Variants in PKIG observed in about 807,000 individuals in gnomAD.
PKIG encodes the protein protein kinase (cAMP-dependent, catalytic) inhibitor gamma.
In PKIG, 1 loss-of-function variant was observed where a neutral mutation model predicts 6.8. The ratio of observed to expected loss-of-function variants is 0.15; its 90% confidence interval spans 0.05 to 0.69. The LOEUF is 0.69. PKIG is among the 30% of genes least tolerant of loss of function. PKIG has a pLI of 0.82. For synonymous variants in PKIG, 39 were observed against 43.0 expected, an observed-to-expected ratio of 0.91 and a Z score of 0.36; for missense variants, 77 against 104.0, an observed-to-expected ratio of 0.74 and a Z score of 1.13.
At chr20:44,572,417 C>A (rs1477883774) in intron 1 of PKIG, among the ~76,000 whole-genome samples, 1 of 152,024 alleles carries the variant, frequency 6.6e-6, no homozygotes, top group African/African-American at 2.4e-5. Context: ...CTGATTCAAG[C>A]CTTAAAGAAA....
intron 1 of PKIG, among the ~76,000 whole-genome samples, chr20:44,571,224 AAATAATAATAAT>A (rs140802204): frequency 6.7e-6 from 1 of 150,196 alleles, no homozygotes; most frequent in East Asian, 2.0e-4. Flanking sequence ...AGAGAGACTC[AAATAATAATAAT>A]AATAATAATA....
At chr20:44,551,228 G>C (rs2064665745) in intron 1 of PKIG, among the ~76,000 whole-genome samples, 1 of 152,038 alleles carries the variant, frequency 6.6e-6, no homozygotes, top group African/African-American at 2.4e-5. Context: ...TAATTTTTTT[G>C]TATTTTTAGT....
At chr20:44,546,602 G>C (rs1236406288) in intron 1 of PKIG, among the ~76,000 whole-genome samples, 1 of 146,858 alleles carries the variant, frequency 6.8e-6, no homozygotes, top group African/African-American at 2.6e-5. Context: ...GCTTATGCTG[G>C]AGTGCAATGG....
intron 1 of PKIG, among the ~76,000 whole-genome samples, chr20:44,534,176 GGA>G (rs779654852): frequency 2.0e-5 from 3 of 152,164 alleles, no homozygotes; most frequent in Admixed American, 6.5e-5. Context: ...AAGAGCCAGT[GGA>G]GAGAGAGAAA....
chr20:44,598,633 C>G (rs1316897308), intron 2 of PKIG: 1 of 152,210 alleles, frequency 6.6e-6, no homozygotes, highest in Non-Finnish European at 1.5e-5. Context: ...GAGACTGCCA[C>G]TCTCTGGGAA....
intron 1 of PKIG, among the ~76,000 whole-genome samples, chr20:44,556,137 C>G (rs1472790871): frequency 6.6e-6 from 1 of 152,184 alleles, no homozygotes; most frequent in African/African-American, 2.4e-5. Flanking sequence ...CCACACCCAG[C>G]CTAGAGACCT....
intron 1 of PKIG, among the ~76,000 whole-genome samples, chr20:44,572,002 T>C (rs2064857986): frequency 6.6e-6 from 1 of 152,310 alleles, no homozygotes; most frequent in East Asian, 1.9e-4. Flanking sequence ...ACAATATACA[T>C]GTTTTTGTTT....
At chr20:44,538,384 T>C (rs2064531964) in intron 1 of PKIG, among the ~76,000 whole-genome samples, 1 of 152,238 alleles carries the variant, frequency 6.6e-6, no homozygotes, top group Non-Finnish European at 1.5e-5. Flanking sequence ...TCAGATACTA[T>C]ATCTAATAAG....
intron 1 of PKIG, among the ~76,000 whole-genome samples, chr20:44,557,926 A>C (rs1452543117): frequency 6.6e-6 from 1 of 152,126 alleles, no homozygotes; most frequent in East Asian, 1.9e-4. Flanking sequence ...ATGTCTGAGA[A>C]CTCAGGAGGC....
intron 1 of PKIG, among the ~76,000 whole-genome samples, chr20:44,549,460 C>T (rs1310364944): frequency 1.3e-5 from 2 of 152,102 alleles, no homozygotes; most frequent in Non-Finnish European, 2.9e-5. Flanking sequence ...TTTTCAAAAG[C>T]TCCCGCACAA....
intron 2 of PKIG, among the ~76,000 whole-genome samples, chr20:44,605,769 G>T (rs2065159130): frequency 6.6e-6 from 1 of 151,722 alleles, no homozygotes; most frequent in African/African-American, 2.4e-5. Context: ...AGAATTAGCT[G>T]GGCACATTAG....
chr20:44,614,996 G>A lies in PKIG; in HGVS notation c.151+289G>A, dbSNP rs934179746. On this transcript the variant is annotated intron_variant, in intron 3 of 3. Transcript: ENST00000372886. This position sits in a 1 kb window ranked among gnomAD's most constrained non-coding sequence, Gnocchi z 4.6. ...TATCCCCACAGCTATACCTGGCTCT[G>A]GCCACTCACAGCTCTCACCTGGCTG... Among the ~76,000 whole-genome samples the A allele has an allele frequency of 6.6e-6, 1 of 152,060 alleles. No individual in the cohort carries two copies. Among genetic ancestry groups the A allele is most frequent in the Non-Finnish European group, 1.5e-5 (1 of 67,972 alleles).
intron 1 of PKIG, among the ~76,000 whole-genome samples, chr20:44,558,574 T>TC (rs1555835144): frequency 9.9e-5 from 13 of 131,898 alleles, no homozygotes; most frequent in African/African-American, 3.4e-4. Context: ...TTTTTTTCTT[T>TC]TTTCTTTCTT....
chr20:44,606,415 C>T (rs2065164046), intron 2 of PKIG, among the ~76,000 whole-genome samples: 1 of 152,196 alleles, frequency 6.6e-6, no homozygotes, highest in African/African-American at 2.4e-5. Context: ...AATGTGTTCC[C>T]TCCAAAATAC....
intron 1 of PKIG, among the ~76,000 whole-genome samples, chr20:44,555,621 T>G (rs1003720970): frequency 6.6e-6 from 1 of 152,246 alleles, no homozygotes; most frequent in African/African-American, 2.4e-5. Flanking sequence ...AAAAGCATCC[T>G]GTTCATACTC....
rs1199817025 is a variant in PKIG, at chr20:44,551,537, A to G, written c.-241+19559A>G. ...GAGTAAAGGGACAATTTTTGTTTCT[A>G]TAAGACAGCCCCTCAATTTGCTGGA... On this transcript the variant is annotated intron_variant, in intron 1 of 4. Coordinates refer to the PKIG transcript ENST00000372887. 2.0e-5 allele frequency among the ~76,000 whole-genome samples: 3 copies of G among 152,204 alleles called. No individual in the cohort carries two copies. The South Asian group carries it at 6.2e-4, about 32-fold the overall frequency.
At chr20:44,575,365 C>T (rs996723969) in intron 1 of PKIG, among the ~76,000 whole-genome samples, 1 of 152,186 alleles carries the variant, frequency 6.6e-6, no homozygotes, top group African/African-American at 2.4e-5. Context: ...ATTACAGGCA[C>T]CTGCCACCAC....
chr20:44,588,981 C>T lies in PKIG; in HGVS notation c.-93-816C>T, dbSNP rs373239225. 1.1e-4 allele frequency among the ~76,000 whole-genome samples: 17 copies of T among 152,322 alleles called. No homozygotes were observed. The East Asian group carries it at 2.9e-3, about 26-fold the overall frequency. On this transcript the variant is annotated intron_variant, in intron 1 of 3. Transcript: ENST00000372886. ...GATAATGTACAAAGTGAAAGTCTTT[C>T]ATTTCTTTTCTCACAATTTCTCAAA...
rs1317140327 is a variant in PKIG at position 44,537,453 on chromosome 20, TTGACTCC to T, written c.-241+5480_-241+5486del. Among the ~76,000 whole-genome samples, 14 of 152,182 alleles carry T rather than the reference TTGACTCC, an allele frequency of 9.2e-5. No homozygotes were observed. The East Asian group carries it at 2.7e-3, about 30-fold the overall frequency. On this transcript the variant is annotated intron_variant, in intron 1 of 4. Transcript: ENST00000372887. ...TTTCACCATGTTGGCCAGGCTGGTCTTGACTCCTGACCTCAAGTGATCTGCCTGCCTC... is the reference window on the plus strand; with the variant it reads ...TTTCACCATGTTGGCCAGGCTGGTCTTGACCTCAAGTGATCTGCCTGCCTC...
Sources: allele counts gnomAD v4.1 joint callset (sites outside exome capture counted in the v4.1 genomes callset), GRCh38; gene constraint gnomAD v4.1.1; non-coding constraint Gnocchi (gnomAD v3.1); transcripts MANE v1.5; gene names NCBI Gene and HGNC (gene_info 2026-07-23, HGNC 2026-07-21).